PARN: variants seen among roughly 807,000 people sequenced by gnomAD.
The protein encoded by PARN is poly(A)-specific ribonuclease PARN.
PARN carries 71 observed loss-of-function variants against 102.8 expected under a neutral mutation model. That is an observed-to-expected ratio of 0.69 (90% confidence interval 0.57 to 0.84). The LOEUF is 0.84. Among genes scored for constraint, PARN ranks in the 40% least tolerant of loss-of-function variants. The pLI is 0.00. For missense variants in PARN, 782 were observed against 760.9 expected, an observed-to-expected ratio of 1.03 and a Z score of -0.33; for synonymous variants, 261 against 252.9, an observed-to-expected ratio of 1.03 and a Z score of -0.30.
At chr16:14,607,956 T>C (rs971048662) in intron 9 of PARN, among the ~76,000 whole-genome samples, 1 of 152,232 alleles carries the variant, frequency 6.6e-6, no homozygotes, top group African/African-American at 2.4e-5. Context: ...ACTCTTGCTT[T>C]ACCAAAAGCA....
chr16:14,620,251 C>T (rs1316521975), intron 5 of PARN, among the ~76,000 whole-genome samples: 2 of 151,638 alleles, frequency 1.3e-5, no homozygotes, highest in Non-Finnish European at 2.9e-5. Context: ...GTAGTGGGCA[C>T]CTGTAGTCCC....
chr16:14,438,256 A>G (rs1319445536), intron 23 of PARN, among the ~76,000 whole-genome samples: 1 of 152,236 alleles, frequency 6.6e-6, no homozygotes, highest in African/African-American at 2.4e-5. Flanking sequence ...CACTTTTATA[A>G]TTCACATATG....
rs984150104 is a variant in PARN at position 14,608,982 on chromosome 16, G to C, written c.620+76C>G. On this transcript the variant is annotated intron_variant, in intron 8 of 23. Coordinates refer to ENST00000437198, the MANE Select transcript of PARN (RefSeq NM_002582.4). ...ACCCTTTATAAAGCTGTTTTTAAAA[G>C]ACTAGATGCATCAAATGCCACAAAC... is the stretch of plus-strand genomic sequence containing the variant. The C allele has an allele frequency of 3.3e-5, 25 of 749,986 alleles. No individual in the cohort carries two copies. The Admixed American group carries it at 5.8e-4, about 17-fold the overall frequency. The allele number at this position is 749,986 out of a possible 1,614,324, so 46.5% of individuals were successfully genotyped here.
At chr16:14,609,461 C>T (rs1418357662) in intron 7 of PARN, among the ~76,000 whole-genome samples, 1 of 152,036 alleles carries the variant, frequency 6.6e-6, no homozygotes, top group Non-Finnish European at 1.5e-5. Flanking sequence ...GTCCCAGCTA[C>T]TCCAGAAGCG....
chr16:14,520,176 A>G (rs530194910), intron 21 of PARN, among the ~76,000 whole-genome samples: 1 of 152,216 alleles, frequency 6.6e-6, no homozygotes, highest in Non-Finnish European at 1.5e-5. Flanking sequence ...ATGCTACAGG[A>G]CGAATAACCT....
At chr16:14,509,548 C>A (rs375211881) in intron 21 of PARN, among the ~76,000 whole-genome samples, 2 of 152,086 alleles carry the variant, frequency 1.3e-5, no homozygotes, top group East Asian at 3.8e-4. Context: ...AAATTTTAAG[C>A]CCTAAACCCC....
chr16:14,563,476 T>TTGTG (rs56099416), intron 18 of PARN, among the ~76,000 whole-genome samples: 3 of 143,648 alleles, frequency 2.1e-5, no homozygotes, highest in East Asian at 4.1e-4. Flanking sequence ...GAAAATTCCT[T>TTGTG]TGTGTGTGTG....
At chr16:14,542,889 G>A (rs1235550858) in intron 21 of PARN, among the ~76,000 whole-genome samples, 1 of 152,170 alleles carries the variant, frequency 6.6e-6, no homozygotes, top group Admixed American at 6.5e-5. Flanking sequence ...GGAGAAGAAA[G>A]AGAATATGGA....
intron 5 of PARN, among the ~76,000 whole-genome samples, chr16:14,619,542 G>C (rs1283251332): frequency 3.3e-5 from 5 of 151,816 alleles, no homozygotes; most frequent in African/African-American, 1.2e-4. Flanking sequence ...TGGGAGGATC[G>C]CTTGAGCCCA....
chr16:14,510,565 A>T (rs1965135081), intron 21 of PARN, among the ~76,000 whole-genome samples: 1 of 152,262 alleles, frequency 6.6e-6, no homozygotes, highest in Non-Finnish European at 1.5e-5. Context: ...AAAAACTCAG[A>T]GACTCAAAGA....
chr16:14,626,615 CT>C (rs994716095), intron 5 of PARN, among the ~76,000 whole-genome samples: 351 of 144,292 alleles, frequency 2.4e-3, no homozygotes, highest in Admixed American at 2.5e-3. Flanking sequence ...TTAATTCATT[CT>C]TTTTTTTTTT....
intron 21 of PARN, among the ~76,000 whole-genome samples, chr16:14,502,810 G>C (rs922428202): frequency 1.3e-5 from 2 of 152,194 alleles, no homozygotes; most frequent in Admixed American, 1.3e-4. Context: ...GGAGAGAACA[G>C]CTAATACAGC....
chr16:14,595,574 C>T (rs1970455965), intron 12 of PARN, among the ~76,000 whole-genome samples: 1 of 152,132 alleles, frequency 6.6e-6, no homozygotes, highest in African/African-American at 2.4e-5. Context: ...GCTCTGTTGC[C>T]CAGGCTGGAG....
At chr16:14,576,707 A>C (rs1390900569) in intron 18 of PARN, among the ~76,000 whole-genome samples, 1 of 152,222 alleles carries the variant, frequency 6.6e-6, no homozygotes, top group Admixed American at 6.5e-5. Context: ...TGCATTCCAC[A>C]CAGGCTGTCA....
chr16:14,505,346 G>A (rs546892121), intron 21 of PARN, among the ~76,000 whole-genome samples: 1 of 152,322 alleles, frequency 6.6e-6, no homozygotes, highest in South Asian at 2.1e-4. Flanking sequence ...GCACAGTGGC[G>A]CACGCCTGTA....
chr16:14,587,885 T>C (rs1387599233), intron 13 of PARN, among the ~76,000 whole-genome samples: 2 of 152,256 alleles, frequency 1.3e-5, no homozygotes, highest in Admixed American at 1.3e-4. Context: ...TTAACGTTCA[T>C]TAACTGCTTA....
At chr16:14,615,865 C>T (rs1200810771) in intron 6 of PARN, among the ~76,000 whole-genome samples, 1 of 150,358 alleles carries the variant, frequency 6.7e-6, no homozygotes, top group Non-Finnish European at 1.5e-5. Context: ...CATACCATTG[C>T]ACTCCAGCCT....
At chr16:14,558,202 G>A (rs1967823055) in intron 18 of PARN, among the ~76,000 whole-genome samples, 1 of 152,142 alleles carries the variant, frequency 6.6e-6, no homozygotes, top group African/African-American at 2.4e-5. Context: ...CGAGACCAAG[G>A]CAGGCAGATC....
At chr16:14,501,306 T>C (rs1461572677) in intron 21 of PARN, among the ~76,000 whole-genome samples, 3 of 145,540 alleles carry the variant, frequency 2.1e-5, no homozygotes, top group East Asian at 2.0e-4. Context: ...ATAATAATAA[T>C]AATAATAATA....
Sources: allele counts gnomAD v4.1 joint callset (sites outside exome capture counted in the v4.1 genomes callset), GRCh38; gene constraint gnomAD v4.1.1; transcripts MANE v1.5; gene names NCBI Gene and HGNC (gene_info 2026-07-23, HGNC 2026-07-21).